The following UTS2 variants were observed in gnomAD, a reference collection of about 807,000 sequenced individuals.
The protein encoded by UTS2 is urotensin 2.
UTS2 carries 10 observed loss-of-function variants against 12.6 expected under a neutral mutation model. That is an observed-to-expected ratio of 0.80 (90% CI 0.49 to 1.35). The LOEUF is 1.35. UTS2 is among the 40% of genes most tolerant of loss of function. The pLI is 0.00. For missense variants in UTS2, 142 were observed against 143.2 expected (o/e 0.99, Z 0.04); for synonymous variants, 52 against 50.0 (o/e 1.04, Z -0.17).
At chr1:7,869,418 A>G in the UTS2 span, among the ~76,000 whole-genome samples, 47 of 152,306 alleles carry the variant, frequency 3.1e-4, no homozygotes, top group Non-Finnish European at 5.3e-4. Context: ...GCCTCCCCAA[A>G]ATAGGGGTGA....
At chr1:7,853,834 C>A (rs1003653555), upstream of UTS2, among the ~76,000 whole-genome samples, 2 of 152,220 alleles carry the variant, frequency 1.3e-5, no homozygotes, top group African/African-American at 2.4e-5. Flanking sequence ...TGCCTTCGGG[C>A]CTGCCACAGG....
chr1:7,852,479 A>AT (rs1408014702), intron 1 of UTS2, among the ~76,000 whole-genome samples: 3 of 143,010 alleles, frequency 2.1e-5, no homozygotes, highest in African/African-American at 5.2e-5. Context: ...ATATCAGATG[A>AT]TTTTTTTAAA....
chr1:7,890,935 T>G, the UTS2 span, among the ~76,000 whole-genome samples: 1 of 148,446 alleles, frequency 6.7e-6, no homozygotes, highest in Non-Finnish European at 1.5e-5. Flanking sequence ...CACATACATG[T>G]GTTCATCCCA....
At chr1:7,862,458 C>T in the UTS2 span, among the ~76,000 whole-genome samples, 16 of 150,910 alleles carry the variant, frequency 1.1e-4, no homozygotes, top group South Asian at 8.7e-4. Flanking sequence ...TTACTTTCAA[C>T]GGCAAAATCT....
At chr1:7,851,023 C>G in intron 1 of UTS2, 101 bp from the exon 2 acceptor site, 3 of 1,124,712 alleles carry the variant, frequency 2.7e-6, no homozygotes. Flanking sequence ...GAGATGAACA[C>G]TAGAAAAACT....
intron 1 of UTS2, among the ~76,000 whole-genome samples, chr1:7,852,540 G>A (rs2151383496): frequency 6.6e-6 from 1 of 152,138 alleles, no homozygotes; most frequent in South Asian, 2.1e-4. Context: ...AGAACAACCA[G>A]TGCTACATTC....
At chr1:7,900,437 C>A in the UTS2 span, among the ~76,000 whole-genome samples, 1 of 151,794 alleles carries the variant, frequency 6.6e-6, no homozygotes, top group East Asian at 1.9e-4. Context: ...AGGAAGGAAG[C>A]GAGCAAGGTA....
rs978668481 is a variant in UTS2, at chr1:7,849,693, A to G, written c.215-10T>C. The G allele has an allele frequency of 1.2e-6, 2 of 1,607,900 alleles. No individual in the cohort carries two copies. The highest frequency in any genetic ancestry group is 1.3e-5 in the African/African-American group (1 of 74,640). On this transcript the variant is annotated splice_polypyrimidine_tract_variant and intron_variant, in intron 2 of 3. Transcript: ENST00000361696. ...ATGTTGGTACTTGAGTCTGAAAAAC[A>G]GTTTTGAAGCCAGTTCATCAGATCT... is the stretch of plus-strand genomic sequence containing the variant.
At chr1:7,906,326 C>T in the UTS2 span, among the ~76,000 whole-genome samples, 1 of 29,392 alleles carries the variant, frequency 3.4e-5, no homozygotes, top group African/African-American at 1.5e-4. Flanking sequence ...ACCTTTCCTT[C>T]GTCCATACAG....
the UTS2 span, among the ~76,000 whole-genome samples, chr1:7,873,332 G>A: frequency 6.6e-6 from 1 of 152,200 alleles, no homozygotes; most frequent in African/African-American, 2.4e-5. Flanking sequence ...ATTTCATGAG[G>A]CTTTAGCTGC....
chr1:7,863,756 A>G, the UTS2 span, among the ~76,000 whole-genome samples: 22 of 152,222 alleles, frequency 1.4e-4, 1 homozygote, highest in African/African-American at 4.8e-4. Flanking sequence ...ATGGCTGTGT[A>G]AGAACCCCCC....
the UTS2 span, among the ~76,000 whole-genome samples, chr1:7,867,480 C>A: frequency 6.6e-6 from 1 of 152,018 alleles, no homozygotes; most frequent in Admixed American, 6.6e-5. Flanking sequence ...CACATGCACA[C>A]GGAGAAAGGA....
the UTS2 span, among the ~76,000 whole-genome samples, chr1:7,861,806 T>G: frequency 6.7e-6 from 1 of 150,236 alleles, no homozygotes; most frequent in Non-Finnish European, 1.5e-5. Flanking sequence ...GTGAAGAACA[T>G]GTGAGGGCAA....
At chr1:7,866,218 C>T in the UTS2 span, among the ~76,000 whole-genome samples, 1 of 152,182 alleles carries the variant, frequency 6.6e-6, no homozygotes, top group Admixed American at 6.5e-5. This position sits in a 1 kb window ranked among gnomAD's most constrained non-coding sequence, Gnocchi z 4.5. Flanking sequence ...TCTAAGATGA[C>T]CTGGCTCGCC....
At chr1:7,864,552 G>A in the UTS2 span, among the ~76,000 whole-genome samples, 1 of 152,218 alleles carries the variant, frequency 6.6e-6, no homozygotes, top group Non-Finnish European at 1.5e-5. Flanking sequence ...CTGTCAGCAT[G>A]CTTGAAGAGA....
chr1:7,877,951 T>C, the UTS2 span, among the ~76,000 whole-genome samples: 1 of 152,124 alleles, frequency 6.6e-6, no homozygotes, highest in Non-Finnish European at 1.5e-5. Flanking sequence ...AGCTCAAAGA[T>C]TTCCAAATAG....
chr1:7,895,725 T>C, the UTS2 span, among the ~76,000 whole-genome samples: 1 of 152,266 alleles, frequency 6.6e-6, no homozygotes, highest in African/African-American at 2.4e-5. Flanking sequence ...TTTCATTTTG[T>C]AACTGAAATA....
the UTS2 span, among the ~76,000 whole-genome samples, chr1:7,870,572 CA>C: frequency 1.3e-5 from 2 of 152,168 alleles, no homozygotes; most frequent in Admixed American, 1.3e-4. Flanking sequence ...TAACAATTCA[CA>C]GGGGAATTTG....
the UTS2 span, among the ~76,000 whole-genome samples, chr1:7,864,059 T>A: frequency 4.9e-4 from 74 of 152,252 alleles, no homozygotes; most frequent in African/African-American, 1.8e-3. Context: ...TCCACCGCCG[T>A]CTCCAGGTCA....
Sources: gnomAD v4.1 joint callset for allele counts (sites outside exome capture counted in the v4.1 genomes callset) on GRCh38, gnomAD v4.1.1 for gene constraint, Gnocchi (gnomAD v3.1) non-coding constraint, MANE v1.5 for transcripts, NCBI Gene and HGNC (gene_info 2026-07-23, HGNC 2026-07-21) for gene names.